Variants in CDKN2D observed in about 807,000 individuals in gnomAD.
The protein encoded by CDKN2D is cyclin-dependent kinase 4 inhibitor D.
In CDKN2D, 3 loss-of-function variants were observed where a neutral mutation model predicts 4.7. The observed-to-expected ratio is 0.64, with a 90% CI of 0.29 to 1.66. The LOEUF (loss-of-function observed/expected upper bound fraction) is 1.66. CDKN2D is among the 40% of genes most tolerant of loss of function. The pLI is 0.10. For synonymous variants in CDKN2D, 91 were observed against 102.3 expected (o/e 0.89, Z 0.67); for missense variants, 196 against 230.9 (o/e 0.85, Z 0.98).
rs1240142477 is a variant in CDKN2D, at chr19:10,567,196, A to G, written c.363T>C (p.Ala121=). 1.9e-6 allele frequency: 3 copies of G among 1,614,072 alleles called. No homozygotes were observed. The highest frequency in any genetic ancestry group is 2.5e-6 in the Non-Finnish European group (3 of 1,180,018). ...ATTCAGCTGCCAGAAAGCTGACCAC[A>G]GCAGTGTGACCCTCTTGAACTGCCA... ...IHLAVQEGHT[A]VVSFLAAESD... The change falls in exon 2 of 2, where the codon GCT becomes GCC. Residue 121 remains alanine (A), a synonymous_variant. Transcript: ENST00000393599.
At chr19:10,568,482 C>T in intron 1 of CDKN2D, 31 bp downstream of exon 1, 1 of 1,336,156 alleles carries the variant, frequency 7.5e-7, no homozygotes, top group Non-Finnish European at 9.6e-7. Context: ...GCTTAGCCGC[C>T]CCGCCCCAAC....
rs559592548 is a variant in CDKN2D, at chr19:10,568,345, A to C, written c.141+168T>G. ...CTCCCCCCACAACCTAGCCTCACCC[A>C]CCACCCACCTTCGAAGGGGGACTGT... On this transcript the variant is annotated intron_variant, in intron 1 of 1. Transcript: ENST00000393599. Among the ~76,000 whole-genome samples, 5 of 151,856 alleles carry C rather than the reference A, an allele frequency of 3.3e-5. No homozygotes were observed. The South Asian group carries it at 1.0e-3, about 32-fold the overall frequency.
At position 10,568,736 on chromosome 19, in the gene CDKN2D, G is replaced by C. The variant is rs1916974815; in HGVS notation, c.-83C>G. The C allele has an allele frequency of 3.8e-6, 4 of 1,054,732 alleles. No homozygotes were observed. 65.3% of individuals were successfully genotyped at this position (1,054,732 alleles called of 1,614,324 possible). On this transcript the variant is annotated 5_prime_UTR_variant, in exon 1 of 2. Coordinates refer to ENST00000393599, the MANE Select transcript of CDKN2D (RefSeq NM_001800.4). ...CGGAGCAGCCGGCGGGCGCTGGCCC[G>C]AACAGCCCTCCCGGGGCGCGGCCGC...
At position 10,566,978 on chromosome 19, in the gene CDKN2D, C is replaced by A; in HGVS notation, c.*80G>T. 1 of 1,429,390 alleles carries A rather than the reference C, an allele frequency of 7.0e-7. No individual in the cohort carries two copies. Among genetic ancestry groups the A allele is most frequent in the Admixed American group, 2.2e-5 (1 of 45,582 alleles). The allele number at this position is 1,429,390 out of a possible 1,614,324, so 88.5% of individuals were successfully genotyped here. On this transcript the variant is annotated 3_prime_UTR_variant, in exon 2 of 2. Transcript: ENST00000393599. ...CTACTGCAGCAGTGGGCAGGAGAAA[C>A]AAGAAGAGAAAGTGTTTCTTCCCCT...
At chr19:10,567,599 G>A (rs1334790272) in intron 1 of CDKN2D, among the ~76,000 whole-genome samples, 182 bp from the exon 2 acceptor site, 1 of 144,040 alleles carries the variant, frequency 6.9e-6, no homozygotes, top group African/African-American at 2.6e-5. Context: ...TGGGAATAGG[G>A]ACCCCCCCCA....
chr19:10,567,865 T>C (rs1026121602), intron 1 of CDKN2D, among the ~76,000 whole-genome samples: 8 of 151,970 alleles, frequency 5.3e-5, no homozygotes, highest in Non-Finnish European at 1.0e-4. Flanking sequence ...AATAGCCTCC[T>C]CCTACATAAT....
Position 10,568,953 on chromosome 19 carries a change from T to A in CDKN2D, c.-300A>T, listed in dbSNP as rs1318900861. 1 of 194,536 alleles carries A rather than the reference T, an allele frequency of 5.1e-6. No individual in the cohort carries two copies. The highest frequency in any genetic ancestry group is 9.3e-5 in the East Asian group (1 of 10,810). 12.1% of individuals were successfully genotyped at this position (194,536 alleles called of 1,614,324 possible). On this transcript the variant is annotated 5_prime_UTR_variant, in exon 1 of 2. Transcript: ENST00000393599. ...GGGTCTCCCCCTAACTCACCCTCCC[T>A]CCTCCTCGCCGGGCGGGGTCTGCTC...
rs1291966658 is a variant in CDKN2D, at chr19:10,566,885, G to A, written c.*173C>T. 15 of 638,402 alleles carry A rather than the reference G, an allele frequency of 2.3e-5. No individual in the cohort carries two copies. Among genetic ancestry groups the A allele is most frequent in the Non-Finnish European group, 3.7e-5 (14 of 373,654 alleles). The allele number at this position is 638,402 out of a possible 1,614,324, so 39.5% of individuals were successfully genotyped here. On this transcript the variant is annotated 3_prime_UTR_variant, in exon 2 of 2. Coordinates refer to ENST00000393599, the MANE Select transcript of CDKN2D (RefSeq NM_001800.4). ...ACCAAAAGGAGTGAGAAAAACAAAT[G>A]AGAAACGTCCCCCAAACACTCACAC...
Position 10,566,851 on chromosome 19 carries a change from G to A in CDKN2D, c.*207C>T, listed in dbSNP as rs548209009. ...CTGTGGCCTGCAGGAGCCCTTCTCT[G>A]TCCAACACACCAAAAGGAGTGAGAA... On this transcript the variant is annotated 3_prime_UTR_variant, in exon 2 of 2. Transcript: ENST00000393599. The A allele has an allele frequency of 4.7e-4, 270 of 569,254 alleles. 2 individuals carry two copies. In the South Asian group the frequency reaches 5.5e-3, roughly 12 times the overall value. The allele number at this position is 569,254 out of a possible 1,614,324, so 35.3% of individuals were successfully genotyped here.
Position 10,567,360 on chromosome 19 carries a change from G to A in CDKN2D, c.199C>T (p.Pro67Ser), listed in dbSNP as rs757253886. The A allele has an allele frequency of 1.2e-6, 2 of 1,614,094 alleles. No homozygotes were observed. The highest frequency in any genetic ancestry group is 1.7e-6 in the Non-Finnish European group (2 of 1,180,008). ...ALELLKQGAS[P>S]NVQDTSGTSP... is the part of the protein sequence containing the mutation. ...GTACCGGAGGTGTCCTGGACATTGG[G>A]GCTGGCACCTTGCTTCAGCAGCTCC... Residue 67 changes from proline to serine, a missense_variant, in exon 2 of 2, where the codon CCC (proline) becomes TCC (serine). Coordinates refer to ENST00000393599, the MANE Select transcript of CDKN2D (RefSeq NM_001800.4).
Position 10,568,901 on chromosome 19 carries a change from C to A in CDKN2D, c.-248G>T. 4.2e-6 allele frequency: 1 copy of A among 237,906 alleles called. No individual in the cohort carries two copies. The highest frequency in any genetic ancestry group is 8.1e-6 in the Non-Finnish European group (1 of 123,000). The allele number at this position is 237,906 out of a possible 1,614,324, so 14.7% of individuals were successfully genotyped here. A position where few individuals can be genotyped will look rare whatever the true frequency, so the allele number is the denominator to read the frequency against. On this transcript the variant is annotated 5_prime_UTR_variant, in exon 1 of 2. It adds an upstream start codon to the 5' untranslated region. Transcript: ENST00000393599. ...CCAACCCTCGGCCGCCCGCGGGGCC[C>A]TGCCCGGCGCCCGCCCCTTGGGGGC... is the stretch of plus-strand genomic sequence containing the variant.
Position 10,567,364 on chromosome 19 carries a change from G to A in CDKN2D, c.195C>T (p.Ala65=), listed in dbSNP as rs1358373704. The A allele has an allele frequency of 6.2e-7, 1 of 1,614,110 alleles. No homozygotes were observed. The highest frequency in any genetic ancestry group is 1.7e-5 in the Admixed American group (1 of 60,008). Residue 65 remains alanine, a synonymous_variant, in exon 2 of 2, where the codon GCC becomes GCT. Coordinates refer to ENST00000393599, the MANE Select transcript of CDKN2D (RefSeq NM_001800.4). ...CGGAGGTGTCCTGGACATTGGGGCT[G>A]GCACCTTGCTTCAGCAGCTCCAGGG... ...AIALELLKQG[A]SPNVQDTSGT...
At chr19:10,568,282 C>G (rs2144743225) in intron 1 of CDKN2D, among the ~76,000 whole-genome samples, 2 of 152,306 alleles carry the variant, frequency 1.3e-5, no homozygotes, top group Admixed American at 1.3e-4. Context: ...CTCAGAGAAC[C>G]AGGAATCCTC....
rs1916908399 is a variant in CDKN2D at position 10,566,808 on chromosome 19, A to C, written c.*250T>G. The C allele has an allele frequency of 2.1e-6, 1 of 479,040 alleles. No individual in the cohort carries two copies. Among genetic ancestry groups the C allele is most frequent in the Admixed American group, 3.8e-5 (1 of 26,136 alleles). 29.7% of individuals were successfully genotyped at this position (479,040 alleles called of 1,614,324 possible). On this transcript the variant is annotated 3_prime_UTR_variant, in exon 2 of 2. Coordinates refer to ENST00000393599, the MANE Select transcript of CDKN2D (RefSeq NM_001800.4). Reference sequence around the variant, plus strand: ...CCCAGCAGCCTGAGGCGCAGAAGAAACTGAACCGTTTAGGTGGCTGTGGCC... The same window carrying C: ...CCCAGCAGCCTGAGGCGCAGAAGAACCTGAACCGTTTAGGTGGCTGTGGCC...
chr19:10,567,714 C>T (rs1167321012), intron 1 of CDKN2D, among the ~76,000 whole-genome samples: 3 of 147,876 alleles, frequency 2.0e-5, no homozygotes, highest in Non-Finnish European at 4.4e-5. Context: ...CCAAAGACGC[C>T]CCCAGATATG....
chr19:10,567,797 T>G (rs1245468500), intron 1 of CDKN2D, among the ~76,000 whole-genome samples: 1 of 151,356 alleles, frequency 6.6e-6, no homozygotes, highest in Non-Finnish European at 1.5e-5. Context: ...CCCCAAAGAA[T>G]TGATAGTCCT....
rs964021749 is a variant in CDKN2D, at chr19:10,566,986, G to T, written c.*72C>A. On this transcript the variant is annotated 3_prime_UTR_variant, in exon 2 of 2. Transcript: ENST00000393599. ...GCAGTGGGCAGGAGAAACAAGAAGAGAAAGTGTTTCTTCCCCTCTCTTCTG... is the reference window on the plus strand; with the variant it reads ...GCAGTGGGCAGGAGAAACAAGAAGATAAAGTGTTTCTTCCCCTCTCTTCTG... 7 of 1,458,450 alleles carry T rather than the reference G, an allele frequency of 4.8e-6. No homozygotes were observed. The highest frequency in any genetic ancestry group is 6.4e-6 in the Non-Finnish European group (7 of 1,091,162). 90.3% of individuals were successfully genotyped at this position (1,458,450 alleles called of 1,614,324 possible).
In CDKN2D at chr19:10,568,676, G is replaced by T. The variant is rs1916972025; in HGVS notation, c.-23C>A. On this transcript the variant is annotated 5_prime_UTR_variant, in exon 1 of 2. Coordinates refer to ENST00000393599, the MANE Select transcript of CDKN2D (RefSeq NM_001800.4). ...CATGTCGACACTGGCGGCCTGCAAA[G>T]CCCCCCGCCCCGCCCCAGCCCGGCG... 1 of 1,378,872 alleles carries T rather than the reference G, an allele frequency of 7.3e-7. No homozygotes were observed. Among genetic ancestry groups the T allele is most frequent in the Non-Finnish European group, 9.4e-7 (1 of 1,066,888 alleles). 85.4% of individuals were successfully genotyped at this position (1,378,872 alleles called of 1,614,324 possible).
Position 10,568,554 on chromosome 19 carries a change from G to A in CDKN2D, c.100C>T (p.His34Tyr). The A allele has an allele frequency of 1.3e-6, 2 of 1,499,300 alleles. No homozygotes were observed. The highest frequency in any genetic ancestry group is 2.1e-5 in the Admixed American group (1 of 48,764). The allele number at this position is 1,499,300 out of a possible 1,614,324, so 92.9% of individuals were successfully genotyped here. The stretch of plus-strand genomic sequence containing the variant: ...CCGAAGCGGTTGAGGGCGTCGGGAT[G>A]CACCAGCTCCCGGTGCAGAAGGCGG... ...VRRLLHRELV[H>Y]PDALNRFGKT... The change falls in exon 1 of 2, where the codon CAT becomes TAT. Residue 34 changes from histidine to tyrosine, a missense_variant. His to Tyr is a moderately conservative substitution (Grantham distance 83, BLOSUM62 2). Transcript: ENST00000393599.
Sources: allele counts gnomAD v4.1 joint callset (sites outside exome capture counted in the v4.1 genomes callset), GRCh38; gene constraint gnomAD v4.1.1; transcripts MANE v1.5; gene names NCBI Gene and HGNC (gene_info 2026-07-23, HGNC 2026-07-21).